Variants in NRXN1 observed in about 807,000 individuals in gnomAD.
NRXN1 encodes the protein neurexin 1, also known as neurexin-1.
In NRXN1, 39 loss-of-function variants were observed where a neutral mutation model predicts 150.9. The ratio of observed to expected loss-of-function variants is 0.26; its 90% CI spans 0.20 to 0.34. NRXN1 has a LOEUF of 0.34. Among genes scored for constraint, NRXN1 ranks in the 10% least tolerant of loss-of-function variants. The pLI, the probability that NRXN1 is intolerant of heterozygous loss-of-function variation, is 1.00. For synonymous variants in NRXN1, 924 were observed against 757.0 expected, an observed-to-expected ratio of 1.22 and a Z score of -3.62; for missense variants, 1,815 against 1,949.9, an observed-to-expected ratio of 0.93 and a Z score of 1.30.
At chr2:50,852,794 T>C (rs558504297) in intron 5 of NRXN1, among the ~76,000 whole-genome samples, 22 of 152,238 alleles carry the variant, frequency 1.4e-4, no homozygotes, top group South Asian at 2.1e-4. Context: ...ATTTCAGAAA[T>C]AGAAAGTATT....
intron 17 of NRXN1, among the ~76,000 whole-genome samples, chr2:50,383,802 A>C (rs901681865): frequency 1.3e-5 from 2 of 152,138 alleles, no homozygotes; most frequent in African/African-American, 4.8e-5. Context: ...CAGCCCTAAT[A>C]GTTTATGCTG....
intron 5 of NRXN1, among the ~76,000 whole-genome samples, chr2:50,908,062 A>G (rs1225746719): frequency 2.0e-5 from 3 of 152,068 alleles, no homozygotes; most frequent in Non-Finnish European, 2.9e-5. Flanking sequence ...AAATGTATTC[A>G]CCTACTGAGC....
chr2:50,203,993 A>G (rs2062381257), intron 18 of NRXN1, among the ~76,000 whole-genome samples: 1 of 152,156 alleles, frequency 6.6e-6, no homozygotes, highest in African/African-American at 2.4e-5. Context: ...ATATTTCACA[A>G]AATATTTGTT....
At chr2:51,004,735 T>C (rs1000043669) in intron 2 of NRXN1, among the ~76,000 whole-genome samples, 10 of 151,964 alleles carry the variant, frequency 6.6e-5, no homozygotes, top group Non-Finnish European at 1.0e-4. Context: ...ATAAATGTTA[T>C]GCAAATGTAT....
Position 50,925,947 on chromosome 2 carries a change from T to A in NRXN1, c.781A>T (p.Asn261Tyr). 1 of 1,574,392 alleles carries A rather than the reference T, an allele frequency of 6.4e-7. No homozygotes were observed. Among genetic ancestry groups the A allele is most frequent in the Non-Finnish European group, 8.6e-7 (1 of 1,158,472 alleles). Reference protein sequence around the residue: ...RGKDCSQEDNNVEGLAHLMMG... With the variant: ...RGKDCSQEDNYVEGLAHLMMG... ...GGTAGAAAGCACCCACCTTCCACAT[T>A]GTTGTCTTCTGAAAGCACATGACAA... Residue 261 changes from asparagine to tyrosine, a missense_variant, in exon 3 of 23, where the codon AAT becomes TAT. Asn to Tyr is a moderately radical substitution (Grantham distance 143). Coordinates refer to ENST00000401669, the MANE Select transcript of NRXN1 (RefSeq NM_001330078.2).
intron 2 of NRXN1, among the ~76,000 whole-genome samples, chr2:50,997,425 A>C: frequency 9.4e-6 from 1 of 106,192 alleles, no homozygotes; most frequent in African/African-American, 6.1e-5. Context: ...AATTTCTTTA[A>C]ATATGCAGGT....
intron 21 of NRXN1, chr2:49,974,012 T>C (rs1678454348): frequency 2.8e-6 from 2 of 717,352 alleles, no homozygotes; most frequent in African/African-American, 1.7e-5. Context: ...TCTGTCTGGC[T>C]ACCCTGCGTG....
chr2:50,815,204 C>T (rs9309201), intron 5 of NRXN1, among the ~76,000 whole-genome samples: 39,684 of 151,884 alleles, frequency 0.26, 5,654 homozygotes, highest in Non-Finnish European at 0.31. Flanking sequence ...ATTTTGAAAC[C>T]TTCTCATTTA....
At chr2:50,147,300 A>G (rs1362312755) in intron 18 of NRXN1, among the ~76,000 whole-genome samples, 1 of 151,774 alleles carries the variant, frequency 6.6e-6, no homozygotes, top group Admixed American at 6.6e-5. Flanking sequence ...CACCTAGGAG[A>G]GAAGGCATAT....
intron 17 of NRXN1, among the ~76,000 whole-genome samples, chr2:50,443,927 T>G (rs2086183010): frequency 6.6e-6 from 1 of 152,162 alleles, no homozygotes; most frequent in African/African-American, 2.4e-5. Context: ...ATTTGACTGT[T>G]TAATTACAAA....
intron 5 of NRXN1, among the ~76,000 whole-genome samples, chr2:50,887,706 T>C (rs1680464440): frequency 6.6e-6 from 1 of 151,588 alleles, no homozygotes; most frequent in Middle Eastern, 3.4e-3. Context: ...ATAACTATCA[T>C]TTATTTAATT....
At chr2:50,462,918 G>A (rs1039781163) in intron 17 of NRXN1, among the ~76,000 whole-genome samples, 1 of 151,716 alleles carries the variant, frequency 6.6e-6, no homozygotes, top group African/African-American at 2.4e-5. Flanking sequence ...CTATTTTGGG[G>A]GAGGGAAGGT....
intron 5 of NRXN1, among the ~76,000 whole-genome samples, chr2:50,743,395 T>C (rs777692999): frequency 2.6e-5 from 4 of 152,152 alleles, no homozygotes; most frequent in Admixed American, 6.5e-5. Context: ...TGCTCAGCAT[T>C]TTTTTGTCAG....
At chr2:49,930,877 G>C (rs771550524) in intron 22 of NRXN1, among the ~76,000 whole-genome samples, 1 of 152,228 alleles carries the variant, frequency 6.6e-6, no homozygotes, top group East Asian at 1.9e-4. Flanking sequence ...CAAGAACTGT[G>C]TGGCTCACAC....
intron 5 of NRXN1, among the ~76,000 whole-genome samples, chr2:50,644,791 A>G (rs1684570996): frequency 6.7e-6 from 1 of 148,592 alleles, no homozygotes; most frequent in Admixed American, 6.8e-5. Flanking sequence ...TATGTATATA[A>G]AAGAAATATA....
At chr2:50,372,591 T>C (rs1437838716) in intron 17 of NRXN1, among the ~76,000 whole-genome samples, 1 of 152,096 alleles carries the variant, frequency 6.6e-6, no homozygotes, top group Non-Finnish European at 1.5e-5. Context: ...ATTTATAAAA[T>C]GAGTACAGCA....
chr2:50,386,612 A>C (rs575220768), intron 17 of NRXN1, among the ~76,000 whole-genome samples: 6 of 152,264 alleles, frequency 3.9e-5, no homozygotes, highest in African/African-American at 1.4e-4. Context: ...TTGTGGGGGC[A>C]AATTGACAGG....
Position 50,972,861 on chromosome 2 carries a change from C to G in NRXN1, c.773-46906G>C, listed in dbSNP as rs138160027. 2.7e-3 allele frequency among the ~76,000 whole-genome samples: 418 copies of G among 152,212 alleles called. 1 individual carries two copies. The highest frequency in any genetic ancestry group is 9.7e-3 in the African/African-American group (403 of 41,552). ...ACCTGGTTCTCTGGGGGTTGGGAAC[C>G]CCTGACTTACAGGCAAGACTTGATA... On this transcript the variant is annotated intron_variant, in intron 2 of 22. Coordinates refer to ENST00000401669, the MANE Select transcript of NRXN1 (RefSeq NM_001330078.2).
At chr2:50,091,576 T>A (rs1699585219) in intron 18 of NRXN1, 82 bp from the exon 19 acceptor site, 1 of 1,441,320 alleles carries the variant, frequency 6.9e-7, no homozygotes, top group Non-Finnish European at 9.7e-7. Flanking sequence ...GGTATTGTTT[T>A]AAAATGTGCT....
Sources: gnomAD v4.1 joint callset for allele counts (sites outside exome capture counted in the v4.1 genomes callset) on GRCh38, gnomAD v4.1.1 for gene constraint, MANE v1.5 for transcripts, NCBI Gene and HGNC (gene_info 2026-07-23, HGNC 2026-07-21) for gene names.